Variants in DNAH8 observed in about 807,000 individuals in gnomAD.
The protein encoded by DNAH8 is axonemal beta dynein heavy chain 8.
In DNAH8, 382 loss-of-function variants were observed where a neutral mutation model predicts 562.1. That is an observed-to-expected ratio of 0.68 (90% CI 0.63 to 0.74). DNAH8 has a LOEUF of 0.74. DNAH8 is among the 30% of genes least tolerant of loss of function. The probability of loss-of-function intolerance (pLI) is 0.00; values close to 1 mark genes in which losing one functional copy is unlikely to be tolerated. For missense variants in DNAH8, 5,203 were observed against 5,620.4 expected (o/e 0.93, Z 2.37); for synonymous variants, 1,881 against 1,919.4 (o/e 0.98, Z 0.52).
Position 38,896,046 on chromosome 6 carries a change from G to T in DNAH8, c.8761G>T (p.Glu2921Ter), listed in dbSNP as rs369304378. The change falls in exon 60 of 93, where the codon GAA (glutamate) becomes TAA (stop). Residue 2921 changes from glutamate (E) to a stop codon, truncating the protein, a stop_gained. Transcript: ENST00000327475. LOFTEE classifies it high-confidence loss of function. Reference sequence around the variant, plus strand: ...TTTTCCTTTCAGATTTATAACTCCTGAAGATGAGCAGTGGTTTAATGCACA... The same window carrying T: ...TTTTCCTTTCAGATTTATAACTCCTTAAGATGAGCAGTGGTTTAATGCACA... ...RVIADRFITP[E>*]DEQWFNAHLT... The T allele has an allele frequency of 4.3e-6, 7 of 1,611,128 alleles. No individual in the cohort carries two copies. The highest frequency in any genetic ancestry group is 5.9e-6 in the Non-Finnish European group (7 of 1,179,138).
Position 38,867,529 on chromosome 6 carries a change from G to A in DNAH8, c.6694-533G>A, listed in dbSNP as rs142152618. On this transcript the variant is annotated intron_variant, in intron 47 of 92. Coordinates refer to ENST00000327475, the MANE Select transcript of DNAH8 (RefSeq NM_001206927.2). ...GGAGGCCGAGGCGAGTGGATCATGA[G>A]GTCGGGAGATCGAGACCATCCTGGC... 1.4e-4 allele frequency among the ~76,000 whole-genome samples: 22 copies of A among 151,904 alleles called. No individual in the cohort carries two copies. In the East Asian group the frequency reaches 4.1e-3, roughly 28 times the overall value.
intron 48 of DNAH8, 69 bp downstream of exon 48, chr6:38,868,265 G>A: frequency 6.9e-7 from 1 of 1,454,904 alleles, no homozygotes; most frequent in South Asian, 1.3e-5. Context: ...TGGACAAGTA[G>A]AGGTAGGCTG....
Position 38,750,589 on chromosome 6 carries a change from A to G in DNAH8, c.1407A>G (p.Leu469=), listed in dbSNP as rs1223796031. ...KVCQPLYNHD[L]VSMAHGIQNL... is the part of the protein sequence containing the mutation. ...GTCAACCTCTCTATAACCATGACCT[A>G]GTAAGTATGCTTTTAAAGTACAATT... Residue 469 remains leucine (L), a splice_region_variant and synonymous_variant, in exon 9 of 93, where the codon CTA becomes CTG. Coordinates refer to ENST00000327475, the MANE Select transcript of DNAH8 (RefSeq NM_001206927.2). The G allele has an allele frequency of 6.4e-7, 1 of 1,559,496 alleles. No homozygotes were observed. The highest frequency in any genetic ancestry group is 8.8e-7 in the Non-Finnish European group (1 of 1,135,470).
At chr6:38,810,115 T>C (rs967919621) in intron 24 of DNAH8, among the ~76,000 whole-genome samples, 1 of 152,224 alleles carries the variant, frequency 6.6e-6, no homozygotes, top group Non-Finnish European at 1.5e-5. Flanking sequence ...ATTTTTGATA[T>C]AGTTGCACTT....
Position 38,915,217 on chromosome 6 carries a change from CAGTA to C in DNAH8, c.9983_9986del (p.Val3328AlafsTer15). On this transcript the variant is annotated frameshift_variant, in exon 68 of 93. Transcript: ENST00000327475. LOFTEE classifies it high-confidence loss of function. Reference sequence around the variant, plus strand: ...ACTTAACAGGTATTAGCAGAAGTCACAGTAAGCGCTCAGGCTTCAGCCAAAATTA... The same window carrying C: ...ACTTAACAGGTATTAGCAGAAGTCACAGCGCTCAGGCTTCAGCCAAAATTA... The C allele has an allele frequency of 6.2e-7, 1 of 1,601,672 alleles. No individual in the cohort carries two copies. The highest frequency in any genetic ancestry group is 8.5e-7 in the Non-Finnish European group (1 of 1,175,904).
intron 1 of DNAH8, among the ~76,000 whole-genome samples, chr6:38,715,689 C>T (rs1002362295): frequency 4.0e-5 from 6 of 151,264 alleles, no homozygotes; most frequent in Admixed American, 2.0e-4. Context: ...ACGTTCTCAC[C>T]TATGAGTAGG....
At chr6:38,745,812 T>G (rs1764879980) in intron 8 of DNAH8, among the ~76,000 whole-genome samples, 1 of 152,192 alleles carries the variant, frequency 6.6e-6, no homozygotes, top group African/African-American at 2.4e-5. Context: ...AATTTGGGTT[T>G]GTCTGATGGT....
At chr6:38,882,419 A>T (rs1778566574) in intron 53 of DNAH8, among the ~76,000 whole-genome samples, 1 of 152,190 alleles carries the variant, frequency 6.6e-6, no homozygotes, top group Non-Finnish European at 1.5e-5. Context: ...AGAAACATGG[A>T]TGGAGCTGGA....
chr6:39,007,404 A>G (rs529223338), intron 88 of DNAH8, among the ~76,000 whole-genome samples: 15 of 152,250 alleles, frequency 9.9e-5, no homozygotes, highest in African/African-American at 1.4e-4. Flanking sequence ...TGCCTCTCAC[A>G]TCTACAAAAG....
At chr6:38,948,478 A>G (rs1356323591) in intron 80 of DNAH8, among the ~76,000 whole-genome samples, 1 of 152,128 alleles carries the variant, frequency 6.6e-6, no homozygotes, top group African/African-American at 2.4e-5. Context: ...AGCTGGGATT[A>G]CAGGCATGTG....
intron 53 of DNAH8, among the ~76,000 whole-genome samples, chr6:38,877,489 G>C (rs985925472): frequency 2.0e-5 from 3 of 152,182 alleles, no homozygotes; most frequent in Non-Finnish European, 1.5e-5. Context: ...GAAGTGGTCT[G>C]TTGACTAAAA....
At chr6:38,757,306 G>A (rs1245585807) in intron 10 of DNAH8, among the ~76,000 whole-genome samples, 5 of 152,176 alleles carry the variant, frequency 3.3e-5, no homozygotes, top group Non-Finnish European at 7.3e-5. Context: ...TCTTTTGGCT[G>A]CATAAATGTC....
intron 28 of DNAH8, 30 bp downstream of exon 28, chr6:38,823,718 AT>A: frequency 1.3e-6 from 2 of 1,526,430 alleles, no homozygotes; most frequent in Non-Finnish European, 1.8e-6. Flanking sequence ...TATGTAAAGT[AT>A]CTGTACTTTC....
chr6:38,750,336 A>C, intron 8 of DNAH8, 140 bp from the exon 9 acceptor site: 1 of 473,708 alleles, frequency 2.1e-6, no homozygotes, highest in Admixed American at 4.0e-5. Flanking sequence ...AAGTATTATA[A>C]GAAAAACATA....
rs765589828 is a variant in DNAH8 at position 38,931,878 on chromosome 6, C to T, written c.11342C>T (p.Pro3781Leu). 5.6e-6 allele frequency: 9 copies of T among 1,610,034 alleles called. No homozygotes were observed. Among genetic ancestry groups the T allele is most frequent in the Non-Finnish European group, 7.6e-6 (9 of 1,178,264 alleles). Residue 3781 changes from proline (P) to leucine (L), a missense_variant, in exon 76 of 93, where the codon CCA becomes CTA. Transcript: ENST00000327475. ...TFKLYITTKL[P>L]NPAFTPEINA... ...AAACTTTACATTACTACGAAGTTAC[C>T]AAATCCTGCCTTTACCCCAGAGATT...
At chr6:38,994,454 A>G (rs1365118342) in intron 88 of DNAH8, among the ~76,000 whole-genome samples, 1 of 150,132 alleles carries the variant, frequency 6.7e-6, no homozygotes, top group Non-Finnish European at 1.5e-5. Flanking sequence ...TTTTAGTAAT[A>G]GTAAGAAAGC....
chr6:38,786,770 C>G lies in DNAH8; in HGVS notation c.2401C>G (p.Gln801Glu). 6.2e-7 allele frequency: 1 copy of G among 1,610,552 alleles called. No homozygotes were observed. The highest frequency in any genetic ancestry group is 8.5e-7 in the Non-Finnish European group (1 of 1,178,892). ...CAATCATTATTTATTTGTAGCTTTA[C>G]AAGCCACGCTTTTTGTGCGACATCC... ...REISQLHYAL[Q>E]ATLFVRHPET... The change falls in exon 18 of 93, where the codon CAA becomes GAA. Residue 801 changes from glutamine (Q) to glutamate (E), a missense_variant. Around this residue, in one of 6 missense-constraint regions of DNAH8, gnomAD observed 2,176 missense variants for 2,365.1 expected, o/e 0.92. Transcript: ENST00000327475.
intron 15 of DNAH8, 26 bp from the exon 16 acceptor site, chr6:38,781,228 C>G (rs541653077): frequency 6.2e-7 from 1 of 1,612,430 alleles, no homozygotes; most frequent in East Asian, 2.2e-5. Flanking sequence ...TGAATTCAAA[C>G]ATTAACATCA....
intron 88 of DNAH8, among the ~76,000 whole-genome samples, chr6:38,992,110 C>T (rs550139232): frequency 4.7e-4 from 71 of 152,082 alleles, no homozygotes; most frequent in Non-Finnish European, 3.1e-4. Context: ...AGATTACAGG[C>T]ATGCACCACC....
Sources: allele counts gnomAD v4.1 joint callset (sites outside exome capture counted in the v4.1 genomes callset), GRCh38; gene constraint gnomAD v4.1.1; regional missense constraint gnomAD v4.1.1; transcripts MANE v1.5; gene names NCBI Gene and HGNC (gene_info 2026-07-23, HGNC 2026-07-21).